The following ADGRA1 variants were observed in gnomAD, a reference collection of about 807,000 sequenced individuals.
ADGRA1 encodes the protein G-protein coupled receptor 123.
A neutral mutation model predicts 21.3 loss-of-function variants in ADGRA1; 12 were observed. That is an observed-to-expected ratio of 0.56 (90% CI 0.36 to 0.91). The LOEUF (loss-of-function observed/expected upper bound fraction) is 0.91. Ranked by LOEUF, ADGRA1 falls within the 40% of genes least tolerant of loss-of-function variation. The pLI is 0.01. For missense variants in ADGRA1, 790 were observed against 805.6 expected (o/e 0.98, Z 0.23); for synonymous variants, 385 against 368.8 (o/e 1.04, Z -0.50).
chr10:133,101,026 GA>G (rs1851783583), intron 4 of ADGRA1, among the ~76,000 whole-genome samples: 1 of 152,256 alleles, frequency 6.6e-6, no homozygotes, highest in African/African-American at 2.4e-5. Context: ...GAGGCGAACA[GA>G]AGCCCTCTCA....
At chr10:133,103,902 C>T (rs1400051849) in intron 5 of ADGRA1, among the ~76,000 whole-genome samples, 2 of 152,132 alleles carry the variant, frequency 1.3e-5, no homozygotes, top group Admixed American at 6.5e-5. Flanking sequence ...CTCTGGGGTT[C>T]CCTGGGGCTC....
At chr10:133,098,805 A>T (rs1190701013) in intron 4 of ADGRA1, 42 bp downstream of exon 4, 2 of 1,585,508 alleles carry the variant, frequency 1.3e-6, no homozygotes, top group Non-Finnish European at 1.7e-6. Flanking sequence ...CCAGAGGGGA[A>T]CTGCGTGAGC....
chr10:133,126,813 A>G (rs1333580201), intron 5 of ADGRA1, among the ~76,000 whole-genome samples: 4 of 152,194 alleles, frequency 2.6e-5, no homozygotes, highest in African/African-American at 4.8e-5. Flanking sequence ...AAAACGGGGC[A>G]CTGCTGGTCA....
chr10:133,102,798 C>G lies in ADGRA1; in HGVS notation c.357C>G (p.Cys119Trp), dbSNP rs755258972. Residue 119 changes from cysteine (C) to tryptophan (W), a missense_variant, in exon 5 of 7, where the codon TGC becomes TGG. By Grantham distance (215) the Cys-to-Trp change is radical. Around this residue, in one of 3 missense-constraint regions of ADGRA1, gnomAD observed 382 missense variants for 415.6 expected, o/e 0.92. Coordinates refer to ENST00000392607, the MANE Select transcript of ADGRA1 (RefSeq NM_001083909.3). ...AGGTGACCAAGAAGGCCCCTCTGTG[C>G]CTGGACACAGACCAGCCACCGTACC... ...YKQVTKKAPL[C>W]LDTDQPPYPR... 53 of 1,612,770 alleles carry G rather than the reference C, an allele frequency of 3.3e-5. No homozygotes were observed. The highest frequency in any genetic ancestry group is 4.2e-5 in the Non-Finnish European group (49 of 1,179,808).
At chr10:133,106,235 G>A (rs968201860) in intron 5 of ADGRA1, among the ~76,000 whole-genome samples, 3 of 152,194 alleles carry the variant, frequency 2.0e-5, no homozygotes, top group Non-Finnish European at 2.9e-5. Flanking sequence ...TCTGGGGGGC[G>A]CCGGAGCCCC....
chr10:133,100,934 T>C (rs1035619768), intron 4 of ADGRA1, among the ~76,000 whole-genome samples: 5 of 152,190 alleles, frequency 3.3e-5, no homozygotes, highest in African/African-American at 1.2e-4. Context: ...CCGCAGTGGC[T>C]GCAGCTCCAG....
At chr10:133,123,837 T>C (rs1852323049) in intron 5 of ADGRA1, among the ~76,000 whole-genome samples, 1 of 152,006 alleles carries the variant, frequency 6.6e-6, no homozygotes, top group Non-Finnish European at 1.5e-5. Context: ...CCCTCCCTTT[T>C]AAGAGGACGC....
chr10:133,102,670 G>C, intron 4 of ADGRA1, 27 bp from the exon 5 acceptor site: 1 of 1,588,224 alleles, frequency 6.3e-7, no homozygotes, highest in Non-Finnish European at 8.6e-7. Context: ...CCCGCCAAGG[G>C]CCTGGCTGAC....
chr10:133,098,794 C>T, intron 4 of ADGRA1, 31 bp downstream of exon 4: 1 of 1,595,948 alleles, frequency 6.3e-7, no homozygotes, highest in African/African-American at 1.3e-5. Context: ...GTTGGCTCCT[C>T]CCAGAGGGGA....
In ADGRA1 at chr10:133,111,725, G is replaced by A. The variant is rs369357733; in HGVS notation, c.401+8883G>A. Among the ~76,000 whole-genome samples the A allele has an allele frequency of 7.7e-4, 29 of 37,594 alleles. 1 individual carries two copies. The East Asian group carries it at 0.012, about 15-fold the overall frequency. The allele number at this position is 37,594 out of a possible 152,430, so 24.7% of individuals were successfully genotyped here. On this transcript the variant is annotated intron_variant, in intron 5 of 6. Transcript: ENST00000392607. Reference sequence around the variant, plus strand: ...CCACCAGACCACCTGCCCGCCACGGGCACCTCCCTCCTAATCCCACCAGAC... The same window carrying A: ...CCACCAGACCACCTGCCCGCCACGGACACCTCCCTCCTAATCCCACCAGAC...
At chr10:133,093,829 C>T (rs1011028454) in intron 2 of ADGRA1, among the ~76,000 whole-genome samples, 74 of 152,250 alleles carry the variant, frequency 4.9e-4, no homozygotes, top group African/African-American at 1.7e-3. Context: ...CTGGGGAACA[C>T]TTGCAAAGAA....
At chr10:133,121,791 CAGTG>C (rs1564853285) in intron 5 of ADGRA1, among the ~76,000 whole-genome samples, 1 of 135,934 alleles carries the variant, frequency 7.4e-6, no homozygotes, top group African/African-American at 2.9e-5. Flanking sequence ...TGTCGTGTGC[CAGTG>C]TGTGTGTGAG....
Position 133,129,195 on chromosome 10 carries a change from C to T in ADGRA1, c.1367C>T (p.Pro456Leu), listed in dbSNP as rs1357286957. The T allele has an allele frequency of 1.9e-6, 3 of 1,550,436 alleles. No homozygotes were observed. Among genetic ancestry groups the T allele is most frequent in the East Asian group, 2.4e-5 (1 of 40,928 alleles). ...GSPRSSRTDS[P>L]PSSLDGPAGT... ...CCCCGCAGCTCGCGCACAGACAGCC[C>T]CCCCAGCTCTCTGGATGGCCCGGCG... The change falls in exon 7 of 7, where the codon CCC becomes CTC. Residue 456 changes from proline to leucine, a missense_variant. Pro to Leu is a moderately conservative substitution (Grantham distance 98, BLOSUM62 -3). Coordinates refer to ENST00000392607, the MANE Select transcript of ADGRA1 (RefSeq NM_001083909.3).
chr10:133,111,850 G>A (rs1852021283), intron 5 of ADGRA1, among the ~76,000 whole-genome samples: 4 of 147,446 alleles, frequency 2.7e-5, no homozygotes, highest in African/African-American at 7.5e-5. Context: ...GCCCACCACG[G>A]GCACCTCCCT....
At chr10:133,107,801 G>A (rs1351290930) in intron 5 of ADGRA1, among the ~76,000 whole-genome samples, 1 of 152,172 alleles carries the variant, frequency 6.6e-6, no homozygotes, top group African/African-American at 2.4e-5. Context: ...TCTCTAGATA[G>A]TCAGGGAAAA....
At position 133,097,027 on chromosome 10, in the gene ADGRA1, C is replaced by T. The variant is rs138436858; in HGVS notation, c.57C>T (p.Pro19=). 2.9e-4 allele frequency: 463 copies of T among 1,612,726 alleles called. 4 individuals are homozygous for T. The African/African-American group carries it at 5.0e-3, about 17-fold the overall frequency. The stretch of plus-strand genomic sequence containing the variant: ...GCTACCCAGGGGAGTTCCTGCACCC[C>T]GTGGTGTACGCGTGCACGGCCGTCA... ...LPRYPGEFLH[P]VVYACTAVML... The change falls in exon 3 of 7, where the codon CCC becomes CCT. Residue 19 remains proline, a synonymous_variant. Coordinates refer to ENST00000392607, the MANE Select transcript of ADGRA1 (RefSeq NM_001083909.3).
chr10:133,112,976 G>A (rs138437711), intron 5 of ADGRA1, among the ~76,000 whole-genome samples: 6,072 of 99,502 alleles, frequency 0.061, 1,258 homozygotes, highest in East Asian at 0.4. Flanking sequence ...TCTGCGGGCC[G>A]CGTCAGTTAT....
At chr10:133,098,283 A>G (rs951366421) in intron 3 of ADGRA1, among the ~76,000 whole-genome samples, 2 of 152,152 alleles carry the variant, frequency 1.3e-5, no homozygotes, top group Non-Finnish European at 1.5e-5. Context: ...GGGACACCCC[A>G]TGCTGGGACC....
chr10:133,116,789 C>A (rs529200641), intron 5 of ADGRA1, among the ~76,000 whole-genome samples: 1 of 152,268 alleles, frequency 6.6e-6, no homozygotes, highest in South Asian at 2.1e-4. Flanking sequence ...CCTCATCTGA[C>A]CCCCCAGCTC....
Sources: allele counts gnomAD v4.1 joint callset (sites outside exome capture counted in the v4.1 genomes callset), GRCh38; gene constraint gnomAD v4.1.1; regional missense constraint gnomAD v4.1.1; transcripts MANE v1.5; gene names NCBI Gene and HGNC (gene_info 2026-07-23, HGNC 2026-07-21).